Variants in MAGI1 observed in about 807,000 individuals in gnomAD.
MAGI1 encodes membrane-associated guanylate kinase, WW and PDZ domain-containing protein 1.
Under a neutral mutation model 139.9 loss-of-function variants are expected in MAGI1, and 58 were observed. That is an observed-to-expected ratio of 0.41 (90% confidence interval 0.34 to 0.52). The LOEUF (loss-of-function observed/expected upper bound fraction) is 0.52. Ranked by LOEUF, MAGI1 falls within the 20% of genes least tolerant of loss-of-function variation. The pLI is 0.12. For missense variants in MAGI1, 1,874 were observed against 1,901.6 expected, an observed-to-expected ratio of 0.99 and a Z score of 0.27; for synonymous variants, 812 against 737.9, an observed-to-expected ratio of 1.10 and a Z score of -1.63.
chr3:65,797,510 C>G (rs1432656012), intron 1 of MAGI1, among the ~76,000 whole-genome samples: 1 of 152,208 alleles, frequency 6.6e-6, no homozygotes, highest in South Asian at 2.1e-4. Context: ...ACGGCTTGAG[C>G]CCCAGAGTTC....
intron 1 of MAGI1, among the ~76,000 whole-genome samples, chr3:65,785,054 CTGTG>C (rs1453281032): frequency 6.6e-6 from 1 of 152,120 alleles, no homozygotes; most frequent in Non-Finnish European, 1.5e-5. Context: ...GTCGCACACG[CTGTG>C]TATCTATTAA....
chr3:65,737,674 G>T (rs1475003929), intron 1 of MAGI1, among the ~76,000 whole-genome samples: 1 of 152,106 alleles, frequency 6.6e-6, no homozygotes, highest in Admixed American at 6.6e-5. Context: ...ATTTTACATG[G>T]GTAGGTGGCT....
intron 1 of MAGI1, among the ~76,000 whole-genome samples, chr3:65,681,855 T>G (rs537364158): frequency 6.6e-6 from 1 of 152,270 alleles, no homozygotes; most frequent in South Asian, 2.1e-4. Flanking sequence ...TTGGCTTTTT[T>G]TGTTTTTTTG....
intron 2 of MAGI1, chr3:65,498,929 T>A (rs949205587): frequency 1.2e-6 from 1 of 836,942 alleles, no homozygotes; most frequent in Non-Finnish European, 1.4e-6. Flanking sequence ...ACCATGAGAA[T>A]ATCTGAGTTG....
intron 1 of MAGI1, among the ~76,000 whole-genome samples, chr3:65,646,999 A>C (rs1174483108): frequency 6.6e-6 from 1 of 152,140 alleles, no homozygotes; most frequent in East Asian, 1.9e-4. Flanking sequence ...AATAAACCCA[A>C]ACAAGGAGAA....
chr3:65,399,543 A>G (rs1944683481), intron 13 of MAGI1, among the ~76,000 whole-genome samples: 1 of 152,152 alleles, frequency 6.6e-6, no homozygotes, highest in South Asian at 2.1e-4. Flanking sequence ...GACAAGCCCC[A>G]AGCTGGGGGC....
chr3:65,595,457 C>G (rs1217909239), intron 2 of MAGI1, among the ~76,000 whole-genome samples: 1 of 152,132 alleles, frequency 6.6e-6, no homozygotes, highest in Non-Finnish European at 1.5e-5. Context: ...GTGGACACAC[C>G]AGGGGCCACC....
chr3:65,468,673 G>A (rs182197643), intron 5 of MAGI1, among the ~76,000 whole-genome samples: 4 of 152,012 alleles, frequency 2.6e-5, no homozygotes, highest in Admixed American at 1.3e-4. Context: ...CACTGCACCC[G>A]GCTGTCAAAG....
chr3:65,483,891 T>A (rs1023411419), intron 3 of MAGI1, among the ~76,000 whole-genome samples: 27 of 152,192 alleles, frequency 1.8e-4, no homozygotes, highest in African/African-American at 6.3e-4. Flanking sequence ...GCACTGCAAA[T>A]CAATTTTTAG....
intron 12 of MAGI1, among the ~76,000 whole-genome samples, chr3:65,427,299 G>A (rs111665055): frequency 1.3e-5 from 2 of 152,076 alleles, no homozygotes; most frequent in East Asian, 3.9e-4. Context: ...GTGACAAAGT[G>A]AGACCCTGTC....
At chr3:65,695,557 C>T (rs2089098734) in intron 1 of MAGI1, among the ~76,000 whole-genome samples, 3 of 152,100 alleles carry the variant, frequency 2.0e-5, no homozygotes, top group South Asian at 4.1e-4. Flanking sequence ...CTTTTTCTTC[C>T]CAGGACATAT....
At chr3:65,911,880 A>G (rs1340083896) in intron 1 of MAGI1, among the ~76,000 whole-genome samples, 1 of 152,156 alleles carries the variant, frequency 6.6e-6, no homozygotes, top group East Asian at 1.9e-4. Flanking sequence ...CCTGTTCGTT[A>G]CTGCATTTCA....
intron 2 of MAGI1, among the ~76,000 whole-genome samples, chr3:65,589,462 C>T (rs1415910215): frequency 2.0e-5 from 3 of 152,072 alleles, no homozygotes; most frequent in East Asian, 1.9e-4. Context: ...TTCACCAAGT[C>T]CTTTCTCTCC....
chr3:65,573,633 C>A (rs1187793759), intron 2 of MAGI1, among the ~76,000 whole-genome samples: 1 of 151,992 alleles, frequency 6.6e-6, no homozygotes, highest in Non-Finnish European at 1.5e-5. Context: ...CAGCTAACAT[C>A]ATAGTTAATG....
intron 1 of MAGI1, among the ~76,000 whole-genome samples, chr3:65,830,991 G>C (rs1326613421): frequency 1.3e-5 from 2 of 150,074 alleles, no homozygotes; most frequent in Admixed American, 1.4e-4. Flanking sequence ...TCAGCTATAT[G>C]TACTTTTAGC....
intron 1 of MAGI1, among the ~76,000 whole-genome samples, chr3:65,635,529 T>C (rs954706205): frequency 1.3e-5 from 2 of 152,156 alleles, no homozygotes; most frequent in African/African-American, 4.8e-5. Flanking sequence ...GAGAGTGACA[T>C]CTGAATGGCA....
At chr3:65,943,232 A>C (rs1231155346) in intron 1 of MAGI1, among the ~76,000 whole-genome samples, 1 of 152,058 alleles carries the variant, frequency 6.6e-6, no homozygotes, top group African/African-American at 2.4e-5. Context: ...ACATTCTTTG[A>C]AAATGTCCCT....
At chr3:65,874,430 C>T (rs1405599939) in intron 1 of MAGI1, 1 of 152,138 alleles carries the variant, frequency 6.6e-6, no homozygotes, top group African/African-American at 2.4e-5. Flanking sequence ...TAATAAAAGA[C>T]ATATAACACT....
chr3:65,528,824 T>C (rs1031696178), intron 2 of MAGI1, among the ~76,000 whole-genome samples: 22 of 152,194 alleles, frequency 1.4e-4, no homozygotes, highest in African/African-American at 1.9e-4. Context: ...GACAGGAGGA[T>C]TGCTTGAGCC....
Sources: gnomAD v4.1 joint callset for allele counts (sites outside exome capture counted in the v4.1 genomes callset) on GRCh38, gnomAD v4.1.1 for gene constraint, MANE v1.5 for transcripts, NCBI Gene and HGNC (gene_info 2026-07-23, HGNC 2026-07-21) for gene names.